The following GDAP2 variants were observed in gnomAD, a reference collection of about 807,000 sequenced individuals.
The protein encoded by GDAP2 is ganglioside induced differentiation associated protein 2.
A neutral mutation model predicts 67.0 loss-of-function variants in GDAP2; 51 were observed. The observed-to-expected ratio is 0.76, with a 90% CI of 0.61 to 0.96. The LOEUF (loss-of-function observed/expected upper bound fraction) is 0.96, where lower values mean the gene tolerates loss of function less well. Ranked by LOEUF, GDAP2 falls within the 40% of genes least tolerant of loss-of-function variation. The pLI, the probability that GDAP2 is intolerant of heterozygous loss-of-function variation, is 0.00. For missense variants in GDAP2, 547 were observed against 588.3 expected (o/e 0.93, Z 0.73); for synonymous variants, 203 against 207.3 (o/e 0.98, Z 0.18).
Position 117,921,810 on chromosome 1 carries a change from T to C in GDAP2, c.-67-1386A>G, listed in dbSNP as rs186604765. On this transcript the variant is annotated intron_variant, in intron 1 of 13. Transcript: ENST00000369443. Reference sequence around the variant, plus strand: ...GATGGGGCAAGAGTAGATGCAGAGATCAATAGAAAATGACTGCAATAATTT... The same window carrying C: ...GATGGGGCAAGAGTAGATGCAGAGACCAATAGAAAATGACTGCAATAATTT... 7.2e-5 allele frequency among the ~76,000 whole-genome samples: 11 copies of C among 152,230 alleles called. No individual in the cohort carries two copies. The East Asian group carries it at 1.9e-3, about 27-fold the overall frequency.
intron 5 of GDAP2, 70 bp from the exon 6 acceptor site, chr1:117,906,652 T>C: frequency 1.2e-6 from 1 of 821,046 alleles, no homozygotes; most frequent in East Asian, 2.5e-5. Flanking sequence ...AATCAAGCTC[T>C]TCAATGTTTT....
intron 1 of GDAP2, 21 bp from the exon 2 acceptor site, chr1:117,920,445 T>C (rs905906393): frequency 1.2e-6 from 1 of 814,576 alleles, no homozygotes; most frequent in Non-Finnish European, 2.0e-6. Flanking sequence ...AAAGAAAGAA[T>C]CACTTTAATA....
chr1:117,923,853 A>G (rs1463726748), intron 1 of GDAP2, among the ~76,000 whole-genome samples: 1 of 152,250 alleles, frequency 6.6e-6, no homozygotes, highest in Non-Finnish European at 1.5e-5. Context: ...CCATAGTTTA[A>G]TATTAGCCAT....
Position 117,908,065 on chromosome 1 carries a change from C to T in GDAP2, c.560-1483G>A, listed in dbSNP as rs371179472. ...GATGCCCTGCCTCTGCTTGCATGTG[C>T]CTACCTTTGACTAGAGTACCACTCA... is the stretch of plus-strand genomic sequence containing the variant. On this transcript the variant is annotated intron_variant, in intron 5 of 13. Coordinates refer to ENST00000369443, the MANE Select transcript of GDAP2 (RefSeq NM_017686.4). 5.1e-4 allele frequency among the ~76,000 whole-genome samples: 77 copies of T among 151,960 alleles called. 3 individuals carry two copies. The South Asian group carries it at 0.014, about 28-fold the overall frequency.
intron 8 of GDAP2, among the ~76,000 whole-genome samples, chr1:117,895,039 C>T (rs79036602): frequency 0.012 from 1,763 of 152,150 alleles, 34 homozygotes; most frequent in African/African-American, 0.04. Flanking sequence ...AAAAAGCTAA[C>T]GTATCATGTT....
chr1:117,888,627 T>C (rs1330890173), intron 8 of GDAP2, among the ~76,000 whole-genome samples: 1 of 152,134 alleles, frequency 6.6e-6, no homozygotes, highest in Admixed American at 6.6e-5. Flanking sequence ...ATTACTTGAT[T>C]GTGAAAACGC....
chr1:117,883,647 T>A lies in GDAP2; in HGVS notation c.1108-20A>T. ...GAGAGCCTAAAAGATAAAAGGGGAA[T>A]AAAGGTGAAGATCATTTTGAACAGT... On this transcript the variant is annotated intron_variant, in intron 10 of 13. Coordinates refer to ENST00000369443, the MANE Select transcript of GDAP2 (RefSeq NM_017686.4). 1 of 1,575,000 alleles carries A rather than the reference T, an allele frequency of 6.3e-7. No individual in the cohort carries two copies.
At chr1:117,896,678 C>T in intron 8 of GDAP2, 155 bp downstream of exon 8, 2 of 494,070 alleles carry the variant, frequency 4.0e-6, no homozygotes, top group South Asian at 4.6e-5. Flanking sequence ...TGAGTTTTTG[C>T]ACCTCCAAAA....
intron 5 of GDAP2, among the ~76,000 whole-genome samples, chr1:117,907,937 T>C (rs1285114623): frequency 6.6e-6 from 1 of 152,112 alleles, no homozygotes; most frequent in Non-Finnish European, 1.5e-5. Flanking sequence ...CTGTCCACTT[T>C]CCCCCACTCA....
chr1:117,921,985 G>A (rs1055170029), intron 1 of GDAP2, among the ~76,000 whole-genome samples: 3 of 152,120 alleles, frequency 2.0e-5, no homozygotes, highest in Non-Finnish European at 4.4e-5. Flanking sequence ...TAAATGTTAT[G>A]CTATTTACCG....
At chr1:117,915,007 A>G (rs945243700) in intron 3 of GDAP2, among the ~76,000 whole-genome samples, 5 of 152,178 alleles carry the variant, frequency 3.3e-5, no homozygotes, top group Admixed American at 3.3e-4. Context: ...GCAGGCACAG[A>G]GAACAGTCTA....
chr1:117,876,991 A>G (rs995759749), intron 13 of GDAP2, among the ~76,000 whole-genome samples: 3 of 152,194 alleles, frequency 2.0e-5, no homozygotes, highest in Non-Finnish European at 4.4e-5. Flanking sequence ...GAAAAACACT[A>G]AGATCATTTT....
In GDAP2 at chr1:117,881,853, A is replaced by T. The variant is rs147107877; in HGVS notation, c.1272T>A (p.Val424=). 1.9e-6 allele frequency: 3 copies of T among 1,580,470 alleles called. No homozygotes were observed. The African/African-American group carries it at 4.0e-5, about 21-fold the overall frequency. ...AACGAAATGTGGGATGTACAAAATA[A>T]ACAGCCTTCAAATTCCTCTTGTACC... ...DVKYKRNLKA[V]YFVHPTFRSK... is the part of the protein sequence containing the mutation. The change falls in exon 12 of 14, where the codon GTT becomes GTA. Residue 424 remains valine, a synonymous_variant. Transcript: ENST00000369443.
intron 6 of GDAP2, among the ~76,000 whole-genome samples, chr1:117,904,055 C>T (rs1449766497): frequency 6.6e-6 from 1 of 151,166 alleles, no homozygotes; most frequent in Non-Finnish European, 1.5e-5. Flanking sequence ...GGCGTAATCT[C>T]AGCTCACTGC....
rs1648112376 is a variant in GDAP2, at chr1:117,867,539, A to AT, written c.*3029_*3030insA. The AT allele has an allele frequency of 6.4e-6, 1 of 157,098 alleles. No homozygotes were observed. Among genetic ancestry groups the AT allele is most frequent in the South Asian group, 2.1e-4 (1 of 4,672 alleles). The allele number at this position is 157,098 out of a possible 1,614,324, so 9.7% of individuals were successfully genotyped here. The stretch of plus-strand genomic sequence containing the variant: ...CCCTGTCTCTACTGAAAAAAAAAAA[A>AT]AAAAAAAAAAAAATTAGCCAGGCAT... On this transcript the variant is annotated 3_prime_UTR_variant, in exon 14 of 14. Coordinates refer to ENST00000369443, the MANE Select transcript of GDAP2 (RefSeq NM_017686.4).
At chr1:117,917,778 C>T (rs1650100810) in intron 3 of GDAP2, among the ~76,000 whole-genome samples, 2 of 152,214 alleles carry the variant, frequency 1.3e-5, no homozygotes, top group Non-Finnish European at 2.9e-5. Flanking sequence ...TAAGCATACA[C>T]ACATGCCATT....
chr1:117,901,846 G>A (rs1465951363), intron 6 of GDAP2, among the ~76,000 whole-genome samples: 4 of 152,072 alleles, frequency 2.6e-5, no homozygotes, highest in African/African-American at 7.2e-5. Flanking sequence ...AATCATTTCC[G>A]TATCTAACTC....
intron 6 of GDAP2, among the ~76,000 whole-genome samples, chr1:117,903,989 TTTC>T (rs1041906442): frequency 1.3e-5 from 2 of 151,666 alleles, no homozygotes; most frequent in African/African-American, 4.9e-5. Flanking sequence ...ATGATTTTTT[TTTC>T]TTTTTTTTTT....
At chr1:117,879,893 G>A (rs1648592412) in intron 12 of GDAP2, among the ~76,000 whole-genome samples, 1 of 152,074 alleles carries the variant, frequency 6.6e-6, no homozygotes, top group African/African-American at 2.4e-5. Context: ...GATGCAAGCA[G>A]GAAGCCAGGT....
Sources: gnomAD v4.1 joint callset for allele counts (sites outside exome capture counted in the v4.1 genomes callset) on GRCh38, gnomAD v4.1.1 for gene constraint, MANE v1.5 for transcripts, NCBI Gene and HGNC (gene_info 2026-07-23, HGNC 2026-07-21) for gene names.